Variants in ASB14 observed in about 807,000 individuals in gnomAD.
The protein encoded by ASB14 is ankyrin repeat and SOCS box containing 14.
Under a neutral mutation model 55.6 loss-of-function variants are expected in ASB14, and 63 were observed. That is an observed-to-expected ratio of 1.13 (90% CI 0.92 to 1.40). The LOEUF is 1.40. ASB14 is among the 40% of genes most tolerant of loss of function. The pLI is 0.00. For missense variants in ASB14, 724 were observed against 710.4 expected (o/e 1.02, Z -0.22); for synonymous variants, 256 against 259.9 (o/e 0.98, Z 0.15).
intron 2 of ASB14, among the ~76,000 whole-genome samples, 151 bp downstream of exon 2, chr3:57,291,756 TGTCTA>T (rs2061132179): frequency 6.6e-6 from 1 of 152,254 alleles, no homozygotes; most frequent in Non-Finnish European, 1.5e-5. Context: ...AGATTATTCC[TGTCTA>T]GTTAGGCATA....
Position 57,288,225 on chromosome 3 carries a change from CTCA to C in ASB14, c.237_239del (p.Asp79del), listed in dbSNP as rs745751089. 1.0e-5 allele frequency: 16 copies of C among 1,536,686 alleles called. No homozygotes were observed. The Admixed American group carries it at 2.9e-4, about 28-fold the overall frequency. ...CCTTATGCAGAGGAATCCAGCCTAT[CTCA>C]TCTGCTTCACCAAATGCGGAATGGT... On this transcript the variant is annotated inframe_deletion, in exon 4 of 11. Transcript: ENST00000487349.
At chr3:57,280,695 G>A (rs1012987001) in intron 6 of ASB14, among the ~76,000 whole-genome samples, 3 of 152,142 alleles carry the variant, frequency 2.0e-5, no homozygotes, top group Non-Finnish European at 4.4e-5. Context: ...AAGTAGGTTA[G>A]TTTTTGAAGT....
Position 57,268,387 on chromosome 3 carries a change from C to A in ASB14, c.*1254G>T. The A allele has an allele frequency of 6.5e-7, 1 of 1,530,536 alleles. No homozygotes were observed. The highest frequency in any genetic ancestry group is 1.2e-5 in the South Asian group (1 of 85,190). The allele number at this position is 1,530,536 out of a possible 1,614,324, so 94.8% of individuals were successfully genotyped here. ...TATTTAATTCATTAGTTTTATTCAT[C>A]TGTTCTTTAGGATCGTAGGGCATCA... is the stretch of plus-strand genomic sequence containing the variant. On this transcript the variant is annotated 3_prime_UTR_variant, in exon 11 of 11. Transcript: ENST00000487349.
chr3:57,288,145 G>A lies in ASB14; in HGVS notation c.310+10C>T. 3 of 1,536,754 alleles carry A rather than the reference G, an allele frequency of 2.0e-6. No homozygotes were observed. Among genetic ancestry groups the A allele is most frequent in the Non-Finnish European group, 2.6e-6 (3 of 1,146,528 alleles). Reference sequence around the variant, plus strand: ...CTCAGAAGCATCAAGAAGAATCAAAGGGAATTTACCGCTTAGGGTTATTTC... The same window carrying A: ...CTCAGAAGCATCAAGAAGAATCAAAAGGAATTTACCGCTTAGGGTTATTTC... On this transcript the variant is annotated intron_variant, in intron 4 of 10. Transcript: ENST00000487349.
intron 4 of ASB14, 21 bp from the exon 5 acceptor site, chr3:57,288,080 C>T: frequency 6.5e-7 from 1 of 1,536,116 alleles, no homozygotes; most frequent in Non-Finnish European, 8.7e-7. Flanking sequence ...TTCATCATAC[C>T]ACACAAATTA....
rs574573222 is a variant in ASB14, at chr3:57,276,572, C to T, written c.1742G>A (p.Gly581Glu). The change falls in exon 10 of 11, where the codon GGA becomes GAA. Residue 581 changes from glycine (G) to glutamate (E), a missense_variant. Physicochemically the swap from Gly to Glu is moderately conservative, Grantham distance 98 (BLOSUM62 -2). Coordinates refer to ENST00000487349, the MANE Select transcript of ASB14 (RefSeq NM_001142733.3). ...TGATTACCAGGTTCCTGTAAAAATT[C>T]CTTGTCCATAAAGGTCGTATTCTTT... ...LYKEYDLYGQ[G>E]IFTGTW is the part of the protein sequence containing the mutation. 8.8e-5 allele frequency: 142 copies of T among 1,608,490 alleles called. No individual in the cohort carries two copies. The highest frequency in any genetic ancestry group is 1.1e-4 in the Non-Finnish European group (127 of 1,177,908).
intron 10 of ASB14, chr3:57,273,161 T>A (rs1167052066): frequency 1.3e-5 from 2 of 152,646 alleles, no homozygotes; most frequent in African/African-American, 4.8e-5. Context: ...GGGGGTTAAG[T>A]TGTAACTAAT....
chr3:57,275,704 T>C (rs1158970645), intron 10 of ASB14, among the ~76,000 whole-genome samples: 1 of 152,150 alleles, frequency 6.6e-6, no homozygotes, highest in African/African-American at 2.4e-5. Context: ...GATTTTGTCA[T>C]TGTGCAAACA....
chr3:57,276,564 T>TA lies in ASB14; in HGVS notation c.1749dup (p.Thr584TyrfsTer10). The TA allele has an allele frequency of 6.2e-7, 1 of 1,608,790 alleles. No homozygotes were observed. The highest frequency in any genetic ancestry group is 8.5e-7 in the Non-Finnish European group (1 of 1,177,556). On this transcript the variant is annotated frameshift_variant, in exon 10 of 11. Coordinates refer to ENST00000487349, the MANE Select transcript of ASB14 (RefSeq NM_001142733.3). LOFTEE classifies it high-confidence loss of function. ...GAATGGTTTGATTACCAGGTTCCTG[T>TA]AAAAATTCCTTGTCCATAAAGGTCG...
At chr3:57,285,937 G>A (rs1001155255) in intron 5 of ASB14, among the ~76,000 whole-genome samples, 55 of 152,124 alleles carry the variant, frequency 3.6e-4, no homozygotes, top group Admixed American at 2.2e-3. Context: ...GCTTTACTCC[G>A]ATGTTGGTAG....
chr3:57,282,954 G>C (rs988547164), intron 6 of ASB14, among the ~76,000 whole-genome samples: 30 of 152,184 alleles, frequency 2.0e-4, no homozygotes, highest in African/African-American at 6.3e-4. Flanking sequence ...AGCACAGTGA[G>C]GGAATGTTAA....
intron 7 of ASB14, 48 bp downstream of exon 7, chr3:57,280,254 G>T (rs2061029191): frequency 4.8e-6 from 6 of 1,238,202 alleles, no homozygotes; most frequent in African/African-American, 1.5e-5. Context: ...AAAATAAAAG[G>T]TAGCTATTAC....
chr3:57,287,147 T>C (rs1328063810), intron 5 of ASB14, among the ~76,000 whole-genome samples: 1 of 152,248 alleles, frequency 6.6e-6, no homozygotes, highest in Non-Finnish European at 1.5e-5. Flanking sequence ...TTTCCTCAGA[T>C]AGCCTTTGGC....
intron 10 of ASB14, among the ~76,000 whole-genome samples, chr3:57,273,836 T>C (rs1024964007): frequency 2.6e-5 from 4 of 152,222 alleles, no homozygotes; most frequent in Non-Finnish European, 5.9e-5. Context: ...ATGTGCTCTT[T>C]ATAGTTTCTT....
intron 5 of ASB14, among the ~76,000 whole-genome samples, chr3:57,287,235 A>T (rs2061087567): frequency 6.6e-6 from 1 of 152,150 alleles, no homozygotes; most frequent in Admixed American, 6.5e-5. Context: ...TGTGGACTGT[A>T]GGTTTAACAA....
intron 9 of ASB14, 53 bp from the exon 10 acceptor site, chr3:57,276,781 T>C (rs886291180): frequency 4.7e-5 from 71 of 1,513,522 alleles, no homozygotes; most frequent in Non-Finnish European, 6.0e-5. Flanking sequence ...TTTTTTAGTA[T>C]CTTAGGGTTT....
intron 10 of ASB14, chr3:57,273,467 T>C (rs2060961438): frequency 2.6e-5 from 4 of 152,656 alleles, no homozygotes. Flanking sequence ...TGTTTTTTAA[T>C]GAAATATTTG....
At chr3:57,273,746 C>G (rs981529111) in intron 10 of ASB14, among the ~76,000 whole-genome samples, 1 of 152,180 alleles carries the variant, frequency 6.6e-6, no homozygotes, top group Non-Finnish European at 1.5e-5. Flanking sequence ...AGAAATTCCT[C>G]TAATTTACAG....
chr3:57,275,290 A>G (rs1399842034), intron 10 of ASB14, among the ~76,000 whole-genome samples: 1 of 152,042 alleles, frequency 6.6e-6, no homozygotes, highest in African/African-American at 2.4e-5. Context: ...CGTTTCTACT[A>G]AAAATACAAA....
Sources: allele counts gnomAD v4.1 joint callset (sites outside exome capture counted in the v4.1 genomes callset), GRCh38; gene constraint gnomAD v4.1.1; transcripts MANE v1.5; gene names NCBI Gene and HGNC (gene_info 2026-07-23, HGNC 2026-07-21).